The following VOPP1 variants were observed in gnomAD, a reference collection of about 807,000 sequenced individuals.
The protein encoded by VOPP1 is VOPP1 WW domain binding protein.
Under a neutral mutation model 23.5 loss-of-function variants are expected in VOPP1, and 8 were observed. That is an observed-to-expected ratio of 0.34 (90% CI 0.20 to 0.61). The LOEUF is 0.61. Ranked by LOEUF, VOPP1 falls within the 20% of genes least tolerant of loss-of-function variation. The probability of loss-of-function intolerance (pLI) is 0.78; values close to 1 mark genes in which losing one functional copy is unlikely to be tolerated. For synonymous variants in VOPP1, 83 were observed against 97.3 expected, an observed-to-expected ratio of 0.85 and a Z score of 0.86; for missense variants, 174 against 238.1, an observed-to-expected ratio of 0.73 and a Z score of 1.77.
intron 2 of VOPP1, among the ~76,000 whole-genome samples, chr7:55,499,566 T>C (rs1350915462): frequency 6.6e-6 from 1 of 152,186 alleles, no homozygotes; most frequent in Non-Finnish European, 1.5e-5. Flanking sequence ...CGAGAAAACA[T>C]AAACTGTGTT....
intron 1 of VOPP1, among the ~76,000 whole-genome samples, chr7:55,555,183 G>C (rs770899940): frequency 5.9e-5 from 9 of 152,180 alleles, no homozygotes; most frequent in Non-Finnish European, 1.3e-4. Flanking sequence ...GTAGTGGAGG[G>C]AAAAGGAGAG....
At chr7:55,441,427 G>A (rs990920182) in intron 4 of VOPP1, among the ~76,000 whole-genome samples, 2 of 152,214 alleles carry the variant, frequency 1.3e-5, no homozygotes, top group African/African-American at 2.4e-5. Flanking sequence ...AAGTGCCTGG[G>A]CAGGTGAGGG....
At chr7:55,455,525 A>G (rs1319046990) in intron 4 of VOPP1, among the ~76,000 whole-genome samples, 3 of 152,236 alleles carry the variant, frequency 2.0e-5, no homozygotes, top group East Asian at 3.8e-4. Flanking sequence ...ACAAAGGTAG[A>G]GGCATCATGC....
chr7:55,537,239 TACCC>T (rs1796850901), intron 1 of VOPP1, among the ~76,000 whole-genome samples: 1 of 152,094 alleles, frequency 6.6e-6, no homozygotes, highest in Non-Finnish European at 1.5e-5. Flanking sequence ...ACATATTTTG[TACCC>T]CGAACACCCA....
At chr7:55,480,927 G>GA (rs1256520910) in intron 4 of VOPP1, among the ~76,000 whole-genome samples, 1 of 152,196 alleles carries the variant, frequency 6.6e-6, no homozygotes, top group African/African-American at 2.4e-5. Context: ...AGCAAGGTAA[G>GA]AAAAATAGGT....
At chr7:55,512,663 G>A (rs533706894) in intron 2 of VOPP1, among the ~76,000 whole-genome samples, 88 of 152,342 alleles carry the variant, frequency 5.8e-4, no homozygotes, top group African/African-American at 2.0e-3. Context: ...GCAAAATAGT[G>A]AGGGTCTGCA....
In VOPP1 at chr7:55,531,900, A is replaced by T. The variant is rs532958176; in HGVS notation, c.55-10770T>A. 2.6e-4 allele frequency among the ~76,000 whole-genome samples: 40 copies of T among 152,260 alleles called. 1 individual carries two copies. Among genetic ancestry groups the T allele is most frequent in the Middle Eastern group, 6.8e-3 (2 of 294 alleles). ...CTAAATCTTGGCCAGCAGATCCAAAACTCAACCACCACACTTAAGAGAAAA... is the reference window on the plus strand; with the variant it reads ...CTAAATCTTGGCCAGCAGATCCAAATCTCAACCACCACACTTAAGAGAAAA... On this transcript the variant is annotated intron_variant, in intron 1 of 4. Transcript: ENST00000285279.
chr7:55,469,466 T>G (rs911612816), downstream of VOPP1, among the ~76,000 whole-genome samples: 4 of 152,160 alleles, frequency 2.6e-5, no homozygotes, highest in East Asian at 5.8e-4. Context: ...TGAAAACAGA[T>G]GCAAAATATA....
At chr7:55,532,323 T>C (rs1395334186) in intron 1 of VOPP1, among the ~76,000 whole-genome samples, 1 of 152,232 alleles carries the variant, frequency 6.6e-6, no homozygotes, top group Non-Finnish European at 1.5e-5. Context: ...AAGCTTTGGT[T>C]CTTTGTCTAC....
At chr7:55,501,843 G>A (rs965285842) in intron 2 of VOPP1, among the ~76,000 whole-genome samples, 1 of 152,066 alleles carries the variant, frequency 6.6e-6, no homozygotes, top group Non-Finnish European at 1.5e-5. Context: ...CCCTCCCATT[G>A]CTCCACCACC....
intron 4 of VOPP1, among the ~76,000 whole-genome samples, chr7:55,490,377 G>C (rs995551201): frequency 1.1e-4 from 16 of 152,082 alleles, no homozygotes; most frequent in African/African-American, 3.6e-4. Flanking sequence ...AGAGGGATGG[G>C]ACCAGAAAGG....
Position 55,438,153 on chromosome 7 carries a change from C to G in VOPP1, n.418-1979G>C, listed in dbSNP as rs183554333. Among the ~76,000 whole-genome samples the G allele has an allele frequency of 3.9e-5, 6 of 152,228 alleles. No individual in the cohort carries two copies. In the East Asian group the frequency reaches 1.2e-3, roughly 29 times the overall value. ...CAGGTGATTCGTCTGCCTCGGCCCCCCAAAGTGCTGGGATTACAGGTGTGA... is the reference window on the plus strand; with the variant it reads ...CAGGTGATTCGTCTGCCTCGGCCCCGCAAAGTGCTGGGATTACAGGTGTGA... On this transcript the variant is annotated intron_variant and non_coding_transcript_variant, in intron 4 of 4. Coordinates refer to the VOPP1 transcript ENST00000462326.
chr7:55,481,738 TC>T (rs1179037787), intron 4 of VOPP1, among the ~76,000 whole-genome samples: 4 of 152,170 alleles, frequency 2.6e-5, no homozygotes, highest in Admixed American at 1.3e-4. Context: ...GAGTGCTGAC[TC>T]TCCGGCCCTG....
chr7:55,448,242 T>C (rs1490369620), intron 4 of VOPP1, among the ~76,000 whole-genome samples: 1 of 152,104 alleles, frequency 6.6e-6, no homozygotes, highest in Non-Finnish European at 1.5e-5. Context: ...TTATTTATAA[T>C]AGAGAAAAAT....
intron 1 of VOPP1, among the ~76,000 whole-genome samples, chr7:55,568,146 C>A (rs1467225803): frequency 7.4e-6 from 1 of 135,340 alleles, no homozygotes; most frequent in Non-Finnish European, 1.5e-5. Context: ...GTGGCACAAT[C>A]TCCGCTCACT....
chr7:55,544,721 G>A (rs1320122701), intron 1 of VOPP1, among the ~76,000 whole-genome samples: 1 of 152,202 alleles, frequency 6.6e-6, no homozygotes, highest in African/African-American at 2.4e-5. Context: ...GTGGAGAGCA[G>A]AGTTGGTGGA....
In VOPP1 at chr7:55,461,166, G is replaced by A. The variant is rs554298223; in HGVS notation, n.418-24992C>T. Among the ~76,000 whole-genome samples, 4 of 152,200 alleles carry A rather than the reference G, an allele frequency of 2.6e-5. No individual in the cohort carries two copies. In the South Asian group the frequency reaches 6.2e-4, roughly 24 times the overall value. ...AACCAAACACCATATGTTCTCACTC[G>A]TAAGTGGGAGCTAAGCTATGAGGAT... On this transcript the variant is annotated intron_variant and non_coding_transcript_variant, in intron 4 of 4. Coordinates refer to the VOPP1 transcript ENST00000462326.
At chr7:55,551,993 G>GC (rs1205908304) in intron 1 of VOPP1, among the ~76,000 whole-genome samples, 13 of 138,316 alleles carry the variant, frequency 9.4e-5, no homozygotes, top group Non-Finnish European at 1.8e-4. Context: ...TGACCCTGCA[G>GC]CCTGGGCAAC....
At position 55,546,072 on chromosome 7, in the gene VOPP1, A is replaced by C. The variant is rs80238694; in HGVS notation, c.55-24942T>G. Among the ~76,000 whole-genome samples the C allele has an allele frequency of 2.6e-4, 39 of 152,270 alleles. No individual in the cohort carries two copies. In the East Asian group the frequency reaches 5.8e-3, roughly 23 times the overall value. The stretch of plus-strand genomic sequence containing the variant: ...ACAGAATGAGACCCTGTCTCAATTA[A>C]AAAAAATAAAATAAAGAAAAGAAAA... On this transcript the variant is annotated intron_variant, in intron 1 of 4. Transcript: ENST00000285279.
Sources: gnomAD v4.1 joint callset for allele counts (sites outside exome capture counted in the v4.1 genomes callset) on GRCh38, gnomAD v4.1.1 for gene constraint, MANE v1.5 for transcripts, NCBI Gene and HGNC (gene_info 2026-07-23, HGNC 2026-07-21) for gene names.